Variants in CSMD1 observed in about 807,000 individuals in gnomAD.
CSMD1 encodes CUB and Sushi multiple domains 1.
CSMD1 carries 213 observed loss-of-function variants against 417.5 expected under a neutral mutation model. The ratio of observed to expected loss-of-function variants is 0.51; its 90% CI spans 0.46 to 0.57. The LOEUF (loss-of-function observed/expected upper bound fraction) is 0.57, where lower values mean the gene tolerates loss of function less well. Among genes scored for constraint, CSMD1 ranks in the 20% least tolerant of loss-of-function variants. The pLI, the probability that CSMD1 is intolerant of heterozygous loss-of-function variation, is 0.00. For missense variants in CSMD1, 6,923 were observed against 4,529.7 expected (o/e 1.53, Z -15.17); for synonymous variants, 2,862 against 1,736.8 (o/e 1.65, Z -16.11).
intron 3 of CSMD1, among the ~76,000 whole-genome samples, chr8:4,380,891 G>A (rs906939676): frequency 6.6e-6 from 1 of 151,980 alleles, no homozygotes; most frequent in Non-Finnish European, 1.5e-5. Context: ...ATTTTAGGTA[G>A]TAATAATATT....
At chr8:3,536,657 G>T (rs1452276434) in intron 10 of CSMD1, among the ~76,000 whole-genome samples, 1 of 152,194 alleles carries the variant, frequency 6.6e-6, no homozygotes, top group Non-Finnish European at 1.5e-5. Context: ...TCTAGTGGCA[G>T]TGGTCAGAAG....
chr8:3,130,319 T>C (rs111443885), intron 41 of CSMD1, among the ~76,000 whole-genome samples: 2,298 of 152,112 alleles, frequency 0.015, 71 homozygotes, highest in African/African-American at 0.053. Context: ...TTCACATTAT[T>C]CAAATTGTAC....
At chr8:3,107,370 G>A (rs1045471204) in intron 45 of CSMD1, among the ~76,000 whole-genome samples, 1 of 152,098 alleles carries the variant, frequency 6.6e-6, no homozygotes, top group Non-Finnish European at 1.5e-5. Context: ...GCATGAATGT[G>A]TCCCCCTAAC....
intron 1 of CSMD1, among the ~76,000 whole-genome samples, chr8:4,925,704 G>A (rs1054585030): frequency 1.6e-4 from 24 of 151,834 alleles, no homozygotes; most frequent in Admixed American, 2.6e-4. Flanking sequence ...CCGCCACCAC[G>A]CAGGGCTAAT....
chr8:4,803,208 G>T (rs972154152), intron 1 of CSMD1, among the ~76,000 whole-genome samples: 2 of 152,138 alleles, frequency 1.3e-5, no homozygotes, highest in African/African-American at 4.8e-5. Flanking sequence ...TTTCCAAAGT[G>T]AGGATAAATT....
chr8:4,584,123 G>A (rs766059641), intron 2 of CSMD1, among the ~76,000 whole-genome samples: 36 of 152,080 alleles, frequency 2.4e-4, no homozygotes, highest in African/African-American at 7.7e-4. Flanking sequence ...GAACACATCC[G>A]AACGTCAGAA....
intron 51 of CSMD1, among the ~76,000 whole-genome samples, chr8:3,022,706 C>G (rs1398252759): frequency 6.8e-6 from 1 of 146,078 alleles, no homozygotes; most frequent in African/African-American, 2.5e-5. Flanking sequence ...GCTAAATGAA[C>G]ATGCAGACCT....
chr8:3,141,982 A>T (rs1221536201), intron 41 of CSMD1, among the ~76,000 whole-genome samples: 2 of 152,144 alleles, frequency 1.3e-5, no homozygotes, highest in African/African-American at 2.4e-5. Flanking sequence ...TATTTTTAGT[A>T]GAGACGGGGT....
At chr8:4,461,756 T>TA (rs563256165) in intron 2 of CSMD1, among the ~76,000 whole-genome samples, 21,807 of 147,560 alleles carry the variant, frequency 0.15, 1,910 homozygotes, top group East Asian at 0.28. Context: ...TTTTTTTTTT[T>TA]TGGAGATGGA....
intron 1 of CSMD1, among the ~76,000 whole-genome samples, chr8:4,695,221 G>T (rs2116785687): frequency 6.6e-6 from 1 of 152,020 alleles, no homozygotes; most frequent in Admixed American, 6.6e-5. Flanking sequence ...TGGAAAGCTT[G>T]CCTGTCTTCT....
Position 3,399,386 on chromosome 8 carries a change from C to T in CSMD1, c.2405+5G>A. On this transcript the variant is annotated splice_donor_5th_base_variant and intron_variant, in intron 16 of 69. Coordinates refer to ENST00000635120, the MANE Select transcript of CSMD1 (RefSeq NM_033225.6). ...GGTCCAAATGAAGACTAATTTTTTT[C>T]TTACCTGTCAAAAGTTATTTTGATA... 1 of 1,592,500 alleles carries T rather than the reference C, an allele frequency of 6.3e-7. No individual in the cohort carries two copies. Among genetic ancestry groups the T allele is most frequent in the Non-Finnish European group, 8.5e-7 (1 of 1,170,750 alleles).
intron 37 of CSMD1, among the ~76,000 whole-genome samples, chr8:3,167,253 C>A (rs1191912994): frequency 7.4e-5 from 11 of 148,386 alleles, no homozygotes; most frequent in Non-Finnish European, 1.0e-4. Context: ...CACTGCACTC[C>A]AGCCTGAGTG....
At chr8:3,850,084 C>A (rs1176496114) in intron 5 of CSMD1, among the ~76,000 whole-genome samples, 3 of 152,224 alleles carry the variant, frequency 2.0e-5, no homozygotes, top group African/African-American at 7.2e-5. Context: ...GCATGAGCCA[C>A]TGCACCCAGC....
chr8:4,898,274 A>C (rs1423091979), intron 1 of CSMD1, among the ~76,000 whole-genome samples: 6 of 152,118 alleles, frequency 3.9e-5, no homozygotes, highest in Admixed American at 6.5e-5. Flanking sequence ...TTAGGCCAAA[A>C]ATAAAATGTT....
At chr8:3,011,582 T>C (rs922407972) in intron 52 of CSMD1, among the ~76,000 whole-genome samples, 16 of 152,188 alleles carry the variant, frequency 1.1e-4, no homozygotes, top group Admixed American at 7.2e-4. Context: ...CATCTCCTCA[T>C]GGTTATAATA....
At chr8:3,654,104 T>A (rs1175179808) in intron 7 of CSMD1, among the ~76,000 whole-genome samples, 1 of 152,118 alleles carries the variant, frequency 6.6e-6, no homozygotes, top group African/African-American at 2.4e-5. Context: ...GTAGAGGGTG[T>A]TGTCAGGAAA....
chr8:3,115,950 A>G (rs1231807860), intron 42 of CSMD1, among the ~76,000 whole-genome samples: 1 of 152,194 alleles, frequency 6.6e-6, no homozygotes, highest in African/African-American at 2.4e-5. Context: ...ACCTGAAATG[A>G]TAAACCACTG....
chr8:4,338,624 G>T (rs1179696159), intron 3 of CSMD1, among the ~76,000 whole-genome samples: 1 of 152,064 alleles, frequency 6.6e-6, no homozygotes, highest in Non-Finnish European at 1.5e-5. Context: ...CTTTAAATTA[G>T]GTCCATAAAT....
chr8:3,931,846 G>A (rs1810169335), intron 5 of CSMD1, among the ~76,000 whole-genome samples: 1 of 147,742 alleles, frequency 6.8e-6, no homozygotes, highest in Non-Finnish European at 1.5e-5. Context: ...CTATCTTTAA[G>A]GCAGAGTTGC....
Sources: gnomAD v4.1 joint callset for allele counts (sites outside exome capture counted in the v4.1 genomes callset) on GRCh38, gnomAD v4.1.1 for gene constraint, MANE v1.5 for transcripts, NCBI Gene and HGNC (gene_info 2026-07-23, HGNC 2026-07-21) for gene names.